Variants in SIRPB1 observed in about 807,000 individuals in gnomAD.
SIRPB1 encodes the protein signal regulatory protein beta 1.
Under a neutral mutation model 34.1 loss-of-function variants are expected in SIRPB1, and 28 were observed. That is an observed-to-expected ratio of 0.82 (90% CI 0.61 to 1.12). The LOEUF (loss-of-function observed/expected upper bound fraction) is 1.12, where lower values mean the gene tolerates loss of function less well. SIRPB1 is among the 50% of genes most tolerant of loss of function. SIRPB1 has a pLI of 0.00. For missense variants in SIRPB1, 499 were observed against 507.0 expected, an observed-to-expected ratio of 0.98 and a Z score of 0.15; for synonymous variants, 211 against 203.8, an observed-to-expected ratio of 1.04 and a Z score of -0.30.
intron 1 of SIRPB1, among the ~76,000 whole-genome samples, chr20:1,614,793 T>C (rs2091606737): frequency 6.6e-6 from 1 of 152,142 alleles, no homozygotes; most frequent in African/African-American, 2.4e-5. Flanking sequence ...GGAAAGTTCC[T>C]AGGGAATGCC....
intron 1 of SIRPB1, among the ~76,000 whole-genome samples, chr20:1,613,603 AG>A: frequency 6.6e-6 from 1 of 152,238 alleles, no homozygotes; most frequent in African/African-American, 2.4e-5. Context: ...AGTTCACTAG[AG>A]GGGTCCCCCA....
rs1408401140 is a variant in SIRPB1 at position 1,611,379 on chromosome 20, T to C, written c.76+8490A>G. ...CACCACGCACAGACAGCTCGGTGCC[T>C]GCTCCAGACTTAAACTCCACGTGGT... is the stretch of plus-strand genomic sequence containing the variant. On this transcript the variant is annotated intron_variant, in intron 1 of 5. Transcript: ENST00000381605. 1.2e-5 allele frequency: 11 copies of C among 922,694 alleles called. 3 individuals are homozygous for C. The highest frequency in any genetic ancestry group is 1.6e-5 in the Non-Finnish European group (11 of 696,446). 57.2% of individuals were successfully genotyped at this position (922,694 alleles called of 1,614,324 possible).
intron 1 of SIRPB1, among the ~76,000 whole-genome samples, chr20:1,615,551 T>A (rs1231993755): frequency 6.6e-6 from 1 of 152,252 alleles, no homozygotes; most frequent in Non-Finnish European, 1.5e-5. Context: ...GCATTATTAT[T>A]ACTCGGTTTG....
Position 1,565,221 on chromosome 20 carries a change from AAGTC to A in SIRPB1, c.*275_*278del. 5.1e-6 allele frequency: 2 copies of A among 394,220 alleles called. No individual in the cohort carries two copies. Among genetic ancestry groups the A allele is most frequent in the Non-Finnish European group, 8.9e-6 (2 of 223,936 alleles). 24.4% of individuals were successfully genotyped at this position (394,220 alleles called of 1,614,324 possible). Reference sequence around the variant, plus strand: ...CCAGTCCCAAGGCGACGGATGGGAGAAGTCCTGGTGTGTTTAGATTTGGAGTGTT... The same window carrying A: ...CCAGTCCCAAGGCGACGGATGGGAGACTGGTGTGTTTAGATTTGGAGTGTT... On this transcript the variant is annotated 3_prime_UTR_variant, in exon 6 of 6. Coordinates refer to ENST00000381605, the MANE Select transcript of SIRPB1 (RefSeq NM_006065.5).
intron 1 of SIRPB1, among the ~76,000 whole-genome samples, chr20:1,583,597 C>T (rs1373175757): frequency 2.1e-5 from 1 of 47,936 alleles, no homozygotes; most frequent in East Asian, 5.8e-4. Context: ...CTTTCTTCCT[C>T]AACCCTACCA....
intron 2 of SIRPB1, among the ~76,000 whole-genome samples, chr20:1,577,265 A>G (rs1306416065): frequency 6.8e-6 from 1 of 147,778 alleles, no homozygotes; most frequent in Non-Finnish European, 1.5e-5. Flanking sequence ...TTCTATGGAG[A>G]CAGCGTCTAA....
chr20:1,618,808 G>C (rs1010135391), intron 1 of SIRPB1, among the ~76,000 whole-genome samples: 1 of 152,202 alleles, frequency 6.6e-6, no homozygotes, highest in Non-Finnish European at 1.5e-5. Context: ...AATCCTGCCT[G>C]TCTTGGGAAG....
rs1393629514 is a variant in SIRPB1, at chr20:1,561,590, C to A, written c.*3910G>T. 2.0e-5 allele frequency among the ~76,000 whole-genome samples: 3 copies of A among 151,992 alleles called. No homozygotes were observed. Among genetic ancestry groups the A allele is most frequent in the Non-Finnish European group, 4.4e-5 (3 of 68,018 alleles). ...GTTCTGGGCCCGATGTTGCAGAATG[C>A]CTCCTTATTGAAATTTGTCTGATGT... On this transcript the variant is annotated 3_prime_UTR_variant, in exon 6 of 6. Coordinates refer to ENST00000381605, the MANE Select transcript of SIRPB1 (RefSeq NM_006065.5).
chr20:1,562,614 T>C lies in SIRPB1; in HGVS notation c.*2886A>G, dbSNP rs1001515090. 6.6e-6 allele frequency among the ~76,000 whole-genome samples: 1 copy of C among 152,202 alleles called. No individual in the cohort carries two copies. The highest frequency in any genetic ancestry group is 1.5e-5 in the Non-Finnish European group (1 of 68,042). ...AGGTGCCATAGTAAATTTAATGTAA[T>C]TTGCATAGAGTACAAACTTCTGGGC... On this transcript the variant is annotated 3_prime_UTR_variant, in exon 6 of 6. Coordinates refer to ENST00000381605, the MANE Select transcript of SIRPB1 (RefSeq NM_006065.5).
chr20:1,577,269 C>T lies in SIRPB1; in HGVS notation c.433+1069G>A, dbSNP rs551728219. On this transcript the variant is annotated intron_variant, in intron 2 of 5. Coordinates refer to ENST00000381605, the MANE Select transcript of SIRPB1 (RefSeq NM_006065.5). ...GCACCAGGCTCTTCTATGGAGACAGCGTCTAATGCTGGGGAAGGAAGGAGA... is the reference window on the plus strand; with the variant it reads ...GCACCAGGCTCTTCTATGGAGACAGTGTCTAATGCTGGGGAAGGAAGGAGA... Among the ~76,000 whole-genome samples, 7 of 148,014 alleles carry T rather than the reference C, an allele frequency of 4.7e-5. 1 individual carries two copies. Among genetic ancestry groups the T allele is most frequent in the East Asian group, 3.9e-4 (2 of 5,186 alleles).
At chr20:1,577,417 T>A (rs2091329483) in intron 2 of SIRPB1, among the ~76,000 whole-genome samples, 2 of 147,874 alleles carry the variant, frequency 1.4e-5, no homozygotes, top group Non-Finnish European at 3.0e-5. Flanking sequence ...TTGGGCTGGA[T>A]GGTCTGAAGG....
At chr20:1,598,968 G>A in intron 1 of SIRPB1, 1 of 386,414 alleles carries the variant, frequency 2.6e-6, no homozygotes, top group Non-Finnish European at 3.8e-6. Flanking sequence ...AAGTTAGGAA[G>A]GGGCTACCCA....
At position 1,562,924 on chromosome 20, in the gene SIRPB1, A is replaced by G. The variant is rs1351422527; in HGVS notation, c.*2576T>C. Among the ~76,000 whole-genome samples, 1 of 152,232 alleles carries G rather than the reference A, an allele frequency of 6.6e-6. No homozygotes were observed. The highest frequency in any genetic ancestry group is 6.5e-5 in the Admixed American group (1 of 15,280). ...GAGGTTCAAATTGAATGTGAGTGGA[A>G]TTCTAGAAGTACAAATAGTTGACTG... On this transcript the variant is annotated 3_prime_UTR_variant, in exon 6 of 6. Coordinates refer to ENST00000381605, the MANE Select transcript of SIRPB1 (RefSeq NM_006065.5).
In SIRPB1 at chr20:1,564,646, G is replaced by T; in HGVS notation, c.*854C>A. On this transcript the variant is annotated 3_prime_UTR_variant, in exon 6 of 6. Transcript: ENST00000381605. Reference sequence around the variant, plus strand: ...AGGTTTCCAGCAGCAGGCTTGGACTGGGCCCTGAAAACCAATTGTTAAATT... The same window carrying T: ...AGGTTTCCAGCAGCAGGCTTGGACTTGGCCCTGAAAACCAATTGTTAAATT... 1 of 326,002 alleles carries T rather than the reference G, an allele frequency of 3.1e-6. No individual in the cohort carries two copies. The highest frequency in any genetic ancestry group is 5.5e-6 in the Non-Finnish European group (1 of 180,224). 20.2% of individuals were successfully genotyped at this position (326,002 alleles called of 1,614,324 possible).
intron 4 of SIRPB1, among the ~76,000 whole-genome samples, chr20:1,569,689 A>G (rs756904834): frequency 1.6e-4 from 24 of 152,240 alleles, no homozygotes; most frequent in Non-Finnish European, 2.4e-4. Flanking sequence ...GCCTCAGGGC[A>G]GAAAGAATAG....
Position 1,592,446 on chromosome 20 carries a change from C to T in SIRPB1, c.77-13752G>A, listed in dbSNP as rs184869554. Reference sequence around the variant, plus strand: ...CCGCCCGCCTCAGCCTCTCAAAGTTCTGGAATTACAAGCATGAGCCATTGC... The same window carrying T: ...CCGCCCGCCTCAGCCTCTCAAAGTTTTGGAATTACAAGCATGAGCCATTGC... On this transcript the variant is annotated intron_variant, in intron 1 of 5. Transcript: ENST00000381605. Among the ~76,000 whole-genome samples the T allele has an allele frequency of 6.2e-5, 3 of 48,672 alleles. 1 individual carries two copies. In the East Asian group the frequency reaches 1.7e-3, roughly 28 times the overall value. The allele number at this position is 48,672 out of a possible 152,430, so 31.9% of individuals were successfully genotyped here. A position where few individuals can be genotyped will look rare whatever the true frequency, so the allele number is the denominator to read the frequency against.
In SIRPB1 at chr20:1,571,005, G is replaced by A. The variant is rs757996346; in HGVS notation, c.884C>T (p.Thr295Ile). Residue 295 changes from threonine (T) to isoleucine (I), a missense_variant, in exon 4 of 6, where the codon ACA (threonine) becomes ATA (isoleucine). Thr to Ile is a moderately conservative substitution (Grantham distance 89, BLOSUM62 -1). Transcript: ENST00000381605. Reference protein sequence around the residue: ...TWLENGNVSRTETASTLIENK... With the variant: ...TWLENGNVSRIETASTLIENK... ...CTCTATGAGGGTCGAAGCTGTTTCT[G>A]TCCGGGACACATTTCCATTCTCCAA... 3 of 1,614,200 alleles carry A rather than the reference G, an allele frequency of 1.9e-6. No homozygotes were observed. The highest frequency in any genetic ancestry group is 3.3e-5 in the Admixed American group (2 of 60,026).
At position 1,583,878 on chromosome 20, in the gene SIRPB1, C is replaced by CTAT. The variant is rs1376657731; in HGVS notation, c.77-5185_77-5184insATA. ...ACTACTACTACTACTACTACTACTA[C>CTAT]TACTACTACTACTACTGCTGCTGCT... is the stretch of plus-strand genomic sequence containing the variant. On this transcript the variant is annotated intron_variant, in intron 1 of 5. Transcript: ENST00000381605. Among the ~76,000 whole-genome samples the CTAT allele has an allele frequency of 9.0e-5, 4 of 44,310 alleles. 2 individuals carry two copies. The highest frequency in any genetic ancestry group is 1.7e-4 in the Non-Finnish European group (4 of 24,062). The allele number at this position is 44,310 out of a possible 152,430, so 29.1% of individuals were successfully genotyped here.
intron 1 of SIRPB1, among the ~76,000 whole-genome samples, chr20:1,583,384 C>T (rs1177780337): frequency 2.1e-5 from 1 of 48,306 alleles, no homozygotes; most frequent in Non-Finnish European, 4.0e-5. Flanking sequence ...TAATGGTTAC[C>T]TGATGTCAGA....
Sources: allele counts gnomAD v4.1 joint callset (sites outside exome capture counted in the v4.1 genomes callset), GRCh38; gene constraint gnomAD v4.1.1; transcripts MANE v1.5; gene names NCBI Gene and HGNC (gene_info 2026-07-23, HGNC 2026-07-21).